TTC7A: variants seen among roughly 807,000 people sequenced by gnomAD.
The protein encoded by TTC7A is tetratricopeptide repeat domain 7A, also known as tetratricopeptide repeat protein 7A.
In TTC7A, 110 loss-of-function variants were observed where a neutral mutation model predicts 103.7. That is an observed-to-expected ratio of 1.06 (90% CI 0.91 to 1.24). The LOEUF (loss-of-function observed/expected upper bound fraction) is 1.24, where lower values mean the gene tolerates loss of function less well. Among genes scored for constraint, TTC7A ranks in the 50% most tolerant of loss-of-function variants. The probability of loss-of-function intolerance (pLI) is 0.00; values close to 1 mark genes in which losing one functional copy is unlikely to be tolerated. For synonymous variants in TTC7A, 521 were observed against 467.9 expected (o/e 1.11, Z -1.47); for missense variants, 1,340 against 1,116.3 (o/e 1.20, Z -2.86).
chr2:46,992,500 T>C (rs75588378), intron 5 of TTC7A, among the ~76,000 whole-genome samples: 2,194 of 152,194 alleles, frequency 0.014, 55 homozygotes, highest in African/African-American at 0.05. Context: ...GGGACTGCGG[T>C]CATTCAGAAA....
intron 15 of TTC7A, among the ~76,000 whole-genome samples, chr2:47,036,996 C>A (rs1220716759): frequency 6.6e-6 from 1 of 152,204 alleles, no homozygotes; most frequent in African/African-American, 2.4e-5. Flanking sequence ...AGGCTGGCTC[C>A]TGCTCAGAGG....
chr2:46,922,155 T>G (rs1669138367), intron 2 of TTC7A, among the ~76,000 whole-genome samples: 1 of 151,984 alleles, frequency 6.6e-6, no homozygotes, highest in Non-Finnish European at 1.5e-5. Flanking sequence ...AACAACAACT[T>G]TAGTTACTTA....
At chr2:47,029,443 C>T (rs1385873096) in intron 15 of TTC7A, 59 bp downstream of exon 15, 8 of 1,567,590 alleles carry the variant, frequency 5.1e-6, no homozygotes, top group Non-Finnish European at 7.0e-6. Flanking sequence ...GCAGCAGGCG[C>T]CCATGCACAC....
chr2:46,955,592 A>G (rs1391457210), intron 2 of TTC7A, among the ~76,000 whole-genome samples: 1 of 152,190 alleles, frequency 6.6e-6, no homozygotes, highest in Non-Finnish European at 1.5e-5. Flanking sequence ...GACCTGAGGA[A>G]GCACAGGCAA....
chr2:46,946,076 G>A (rs973594282), intron 1 of TTC7A, among the ~76,000 whole-genome samples: 6 of 152,190 alleles, frequency 3.9e-5, no homozygotes, highest in Admixed American at 2.6e-4. Flanking sequence ...TGGAGAGGCC[G>A]GGAGGGGATG....
At chr2:46,958,610 G>A (rs577357012) in intron 3 of TTC7A, 20 of 1,206,906 alleles carry the variant, frequency 1.7e-5, no homozygotes, top group East Asian at 5.7e-5. Flanking sequence ...GCTAGCTCCC[G>A]TTCCCCAGTG....
At chr2:47,010,899 C>G (rs908502950) in intron 10 of TTC7A, among the ~76,000 whole-genome samples, 1 of 152,158 alleles carries the variant, frequency 6.6e-6, no homozygotes, top group Non-Finnish European at 1.5e-5. Context: ...GGGGTTTCAC[C>G]AAGTTGGCCA....
chr2:46,976,211 G>T (rs1673863416), intron 4 of TTC7A, among the ~76,000 whole-genome samples: 1 of 152,212 alleles, frequency 6.6e-6, no homozygotes, highest in African/African-American at 2.4e-5. Flanking sequence ...CCCTCACACT[G>T]ACTGGATGAA....
chr2:47,010,200 G>T (rs1006795526), intron 10 of TTC7A, among the ~76,000 whole-genome samples: 1 of 152,038 alleles, frequency 6.6e-6, no homozygotes, highest in Non-Finnish European at 1.5e-5. Flanking sequence ...TTCTGTAAAG[G>T]GTCAGATAGT....
In TTC7A at chr2:46,964,991, G is replaced by A. The variant is rs573183229; in HGVS notation, c.517+7984G>A. Among the ~76,000 whole-genome samples, 62 of 152,280 alleles carry A rather than the reference G, an allele frequency of 4.1e-4. No individual in the cohort carries two copies. In the South Asian group the frequency reaches 4.3e-3, roughly 11 times the overall value. On this transcript the variant is annotated intron_variant, in intron 3 of 19. Coordinates refer to ENST00000319190, the MANE Select transcript of TTC7A (RefSeq NM_020458.4). ...CGTTCTCCTTCACCTCACACCCAGC[G>A]CCAGGGAGGTCCTGATGCCCTGACC...
At chr2:47,012,667 C>A (rs1338732543) in intron 11 of TTC7A, among the ~76,000 whole-genome samples, 2 of 152,240 alleles carry the variant, frequency 1.3e-5, no homozygotes, top group Non-Finnish European at 2.9e-5. Context: ...CATGTTCCAA[C>A]CTTTCTTCCC....
intron 19 of TTC7A, among the ~76,000 whole-genome samples, chr2:47,070,499 AAGC>A (rs1684586849): frequency 6.6e-6 from 1 of 152,132 alleles, no homozygotes. Flanking sequence ...GGGAATAACA[AAGC>A]AGGCAGGAGG....
chr2:46,963,225 T>C (rs1672545059), intron 3 of TTC7A, among the ~76,000 whole-genome samples: 1 of 152,254 alleles, frequency 6.6e-6, no homozygotes, highest in South Asian at 2.1e-4. Flanking sequence ...CAGAGAATTT[T>C]CAACTCCATT....
At position 46,950,543 on chromosome 2, in the gene TTC7A, C is replaced by T. The variant is rs747141396; in HGVS notation, c.348+17C>T. Reference sequence around the variant, plus strand: ...AGGCTCTCGGTAAGTCGTCAGCCTTCAAGCCTGAGACCTCCTCTCCTCGTC... The same window carrying T: ...AGGCTCTCGGTAAGTCGTCAGCCTTTAAGCCTGAGACCTCCTCTCCTCGTC... On this transcript the variant is annotated intron_variant, in intron 2 of 19. Transcript: ENST00000319190. 8.7e-6 allele frequency: 14 copies of T among 1,613,354 alleles called. No homozygotes were observed. The highest frequency in any genetic ancestry group is 1.7e-5 in the Admixed American group (1 of 59,898).
chr2:46,923,680 C>G (rs1053326724), intron 2 of TTC7A, among the ~76,000 whole-genome samples: 13 of 152,082 alleles, frequency 8.5e-5, no homozygotes, highest in African/African-American at 2.9e-4. Context: ...TCGCTCAAGT[C>G]CAGGAGTTTG....
intron 8 of TTC7A, among the ~76,000 whole-genome samples, chr2:47,001,146 C>T (rs1395709198): frequency 1.3e-5 from 2 of 152,134 alleles, no homozygotes; most frequent in Non-Finnish European, 2.9e-5. Flanking sequence ...TGTGAGATGC[C>T]GTACAGAACA....
intron 12 of TTC7A, among the ~76,000 whole-genome samples, chr2:47,022,462 G>C (rs891543750): frequency 6.6e-6 from 1 of 152,190 alleles, no homozygotes; most frequent in Non-Finnish European, 1.5e-5. Context: ...GTAACTACTT[G>C]TGCTCGGCTA....
chr2:46,961,298 C>T (rs1031188736), intron 3 of TTC7A, among the ~76,000 whole-genome samples: 3 of 152,260 alleles, frequency 2.0e-5, no homozygotes, highest in East Asian at 1.9e-4. Flanking sequence ...ATAATCAGGC[C>T]GGGCGTGGTG....
chr2:47,051,915 G>T, intron 18 of TTC7A, 35 bp downstream of exon 18: 1 of 1,579,980 alleles, frequency 6.3e-7, no homozygotes, highest in Non-Finnish European at 8.6e-7. Flanking sequence ...CACACAGCCT[G>T]TCTGCAGGCC....
Sources: gnomAD v4.1 joint callset for allele counts (sites outside exome capture counted in the v4.1 genomes callset) on GRCh38, gnomAD v4.1.1 for gene constraint, MANE v1.5 for transcripts, NCBI Gene and HGNC (gene_info 2026-07-23, HGNC 2026-07-21) for gene names.